Variants in EDEM1 observed in about 807,000 individuals in gnomAD.
EDEM1 encodes the protein ER degradation enhancing alpha-mannosidase like protein 1, also known as ER degradation-enhancing alpha-mannosidase-like protein 1.
A neutral mutation model predicts 74.4 loss-of-function variants in EDEM1; 67 were observed. The ratio of observed to expected loss-of-function variants is 0.90; its 90% CI spans 0.74 to 1.10. The LOEUF is 1.10. Among genes scored for constraint, EDEM1 ranks in the 50% least tolerant of loss-of-function variants. The probability of loss-of-function intolerance (pLI) is 0.00; values close to 1 mark genes in which losing one functional copy is unlikely to be tolerated. For synonymous variants in EDEM1, 382 were observed against 335.9 expected, an observed-to-expected ratio of 1.14 and a Z score of -1.50; for missense variants, 926 against 851.6, an observed-to-expected ratio of 1.09 and a Z score of -1.09.
chr3:5,188,000 G>A lies in EDEM1; in HGVS notation c.195G>A (p.Gly65=), dbSNP rs200591426. 232 of 1,510,786 alleles carry A rather than the reference G, an allele frequency of 1.5e-4. No homozygotes were observed. The highest frequency in any genetic ancestry group is 4.5e-4 in the African/African-American group (31 of 69,224). 93.6% of individuals were successfully genotyped at this position (1,510,786 alleles called of 1,614,324 possible). The change falls in exon 1 of 12, where the codon GGG becomes GGA. Residue 65 remains glycine (G), a synonymous_variant. Coordinates refer to ENST00000256497, the MANE Select transcript of EDEM1 (RefSeq NM_014674.3). The part of the protein sequence containing the change: ...PTSGPVGRPG[G]VSGPSWLQPP... ...CGGGGCCCGTGGGCCGGCCTGGGGG[G>A]GTATCCGGGCCGTCGTGGCTGCAGC...
In EDEM1 at chr3:5,219,039, G is replaced by C. The variant is rs1375424952; in HGVS notation, c.*3121G>C. The C allele has an allele frequency of 6.6e-6, 1 of 152,088 alleles. No homozygotes were observed. The highest frequency in any genetic ancestry group is 1.5e-5 in the Non-Finnish European group (1 of 68,014). The allele number at this position is 152,088 out of a possible 1,614,324, so 9.4% of individuals were successfully genotyped here. On this transcript the variant is annotated 3_prime_UTR_variant, in exon 12 of 12. Transcript: ENST00000256497. ...TAGAGGAGCGTCTGTAGAAGTACCT[G>C]GTTTGGTCAGTGCAGTTGTGCAATC... is the stretch of plus-strand genomic sequence containing the variant.
At position 5,192,157 on chromosome 3, in the gene EDEM1, C is replaced by T. The variant is rs144731131; in HGVS notation, c.510-3052C>T. On this transcript the variant is annotated intron_variant, in intron 1 of 11. Transcript: ENST00000256497. Reference sequence around the variant, plus strand: ...TGAAGATGATTTTCCTTTATTTGCTCAGTTCTTCTTTTGATTCCTTTCCTT... The same window carrying T: ...TGAAGATGATTTTCCTTTATTTGCTTAGTTCTTCTTTTGATTCCTTTCCTT... Among the ~76,000 whole-genome samples, 152 of 152,302 alleles carry T rather than the reference C, an allele frequency of 1.0e-3. 1 individual carries two copies. The highest frequency in any genetic ancestry group is 3.3e-3 in the African/African-American group (138 of 41,552).
Position 5,210,264 on chromosome 3 carries a change from T to G in EDEM1, c.1583+16T>G. 1 of 1,609,606 alleles carries G rather than the reference T, an allele frequency of 6.2e-7. No individual in the cohort carries two copies. The highest frequency in any genetic ancestry group is 8.5e-7 in the Non-Finnish European group (1 of 1,176,138). The stretch of plus-strand genomic sequence containing the variant: ...CAAAAGTCAAGTCAGTTTTCTAAGT[T>G]CCTACCTTTTTCTGTCAGCCACTTT... On this transcript the variant is annotated intron_variant, in intron 9 of 11. Coordinates refer to ENST00000256497, the MANE Select transcript of EDEM1 (RefSeq NM_014674.3).
chr3:5,191,318 G>A (rs2106585693), intron 1 of EDEM1, among the ~76,000 whole-genome samples: 1 of 152,208 alleles, frequency 6.6e-6, no homozygotes, highest in Non-Finnish European at 1.5e-5. Context: ...TGAACTCCTG[G>A]GCTCAAGCAG....
intron 5 of EDEM1, 107 bp from the exon 6 acceptor site, chr3:5,204,960 G>A (rs1236728652): frequency 8.0e-7 from 1 of 1,252,088 alleles, no homozygotes; most frequent in African/African-American, 1.5e-5. Context: ...TGTATGCCAA[G>A]GATAAAGGTG....
intron 1 of EDEM1, among the ~76,000 whole-genome samples, chr3:5,190,008 G>T (rs1031665528): frequency 1.3e-5 from 2 of 150,888 alleles, no homozygotes; most frequent in African/African-American, 4.9e-5. Flanking sequence ...TTGGGGGGGG[G>T]GATAAACTTC....
At chr3:5,213,659 C>T in intron 11 of EDEM1, 137 bp downstream of exon 11, 2 of 811,806 alleles carry the variant, frequency 2.5e-6, no homozygotes, top group East Asian at 2.7e-5. Context: ...CCTAAAGACA[C>T]CATTTACATA....
chr3:5,202,769 C>T (rs1340303028), intron 4 of EDEM1, among the ~76,000 whole-genome samples, 197 bp from the exon 5 acceptor site: 1 of 152,236 alleles, frequency 6.6e-6, no homozygotes, highest in Non-Finnish European at 1.5e-5. Flanking sequence ...AAGCAAGGCT[C>T]TGCTGTTCTT....
At chr3:5,189,488 C>G (rs1405099030) in intron 1 of EDEM1, 5 of 152,134 alleles carry the variant, frequency 3.3e-5, no homozygotes, top group Non-Finnish European at 7.3e-5. Flanking sequence ...TCTAGGAAAC[C>G]GATGAGTTTT....
At chr3:5,194,320 G>T (rs992877834) in intron 1 of EDEM1, among the ~76,000 whole-genome samples, 5 of 152,204 alleles carry the variant, frequency 3.3e-5, no homozygotes, top group Admixed American at 3.3e-4. Flanking sequence ...GGATTTTTGG[G>T]AATGGGACAA....
chr3:5,194,584 AAGAAGTG>A (rs1348443114), intron 1 of EDEM1, among the ~76,000 whole-genome samples: 1 of 152,198 alleles, frequency 6.6e-6, no homozygotes, highest in Non-Finnish European at 1.5e-5. Flanking sequence ...AGCTCCAGTC[AAGAAGTG>A]AGAAAGGCCT....
intron 6 of EDEM1, among the ~76,000 whole-genome samples, chr3:5,206,782 CTCTT>C: frequency 6.6e-6 from 1 of 152,326 alleles, no homozygotes; most frequent in South Asian, 2.1e-4. Flanking sequence ...AGAGAAGAGA[CTCTT>C]TGTACCAAAA....
chr3:5,200,123 G>A (rs1179392536), intron 3 of EDEM1, among the ~76,000 whole-genome samples: 4 of 152,008 alleles, frequency 2.6e-5, no homozygotes, highest in African/African-American at 9.7e-5. Flanking sequence ...GTAGAGATGA[G>A]ATTTCACCAT....
intron 6 of EDEM1, among the ~76,000 whole-genome samples, chr3:5,205,528 G>T (rs999922710): frequency 6.6e-6 from 1 of 152,214 alleles, no homozygotes; most frequent in Non-Finnish European, 1.5e-5. Flanking sequence ...TCTGGCCCAG[G>T]ATCTCTCCTG....
chr3:5,191,831 G>T (rs975543677), intron 1 of EDEM1, among the ~76,000 whole-genome samples: 3 of 152,128 alleles, frequency 2.0e-5, no homozygotes, highest in African/African-American at 7.2e-5. Flanking sequence ...CCTTAATTTG[G>T]GTTGGAGGAT....
intron 1 of EDEM1, among the ~76,000 whole-genome samples, chr3:5,192,287 C>T (rs1333222744): frequency 2.0e-5 from 3 of 152,194 alleles, no homozygotes; most frequent in Admixed American, 6.5e-5. Flanking sequence ...ATCCCTTGAA[C>T]GCAGGGACTG....
At chr3:5,189,894 C>T (rs1426509912) in intron 1 of EDEM1, among the ~76,000 whole-genome samples, 2 of 152,170 alleles carry the variant, frequency 1.3e-5, no homozygotes, top group South Asian at 2.1e-4. Context: ...CCACCGCTCC[C>T]GGCCATGGTC....
intron 1 of EDEM1, among the ~76,000 whole-genome samples, chr3:5,188,703 T>C (rs1304570494): frequency 6.6e-6 from 1 of 152,148 alleles, no homozygotes; most frequent in East Asian, 1.9e-4. Context: ...ATCTCCATCA[T>C]GCCCCCCGTG....
At position 5,207,036 on chromosome 3, in the gene EDEM1, TAGG is replaced by T. The variant is rs1286372700; in HGVS notation, c.1218-114_1218-112del. ...GTCTGCAGAGGTTTAAGGAATGAGT[TAGG>T]AGAAAAAATTAATGTTAATTCCGTT... is the stretch of plus-strand genomic sequence containing the variant. On this transcript the variant is annotated intron_variant, in intron 6 of 11. Coordinates refer to ENST00000256497, the MANE Select transcript of EDEM1 (RefSeq NM_014674.3). 2.1e-6 allele frequency: 3 copies of T among 1,401,954 alleles called. No homozygotes were observed. The East Asian group carries it at 6.9e-5, about 32-fold the overall frequency. The allele number at this position is 1,401,954 out of a possible 1,614,324, so 86.8% of individuals were successfully genotyped here.
Sources: allele counts gnomAD v4.1 joint callset (sites outside exome capture counted in the v4.1 genomes callset), GRCh38; gene constraint gnomAD v4.1.1; transcripts MANE v1.5; gene names NCBI Gene and HGNC (gene_info 2026-07-23, HGNC 2026-07-21).